TLL2: variants seen among roughly 807,000 people sequenced by gnomAD.
TLL2 encodes tolloid like 2, also known as tolloid-like protein 2.
TLL2 carries 106 observed loss-of-function variants against 123.0 expected under a neutral mutation model. The ratio of observed to expected loss-of-function variants is 0.86; its 90% CI spans 0.74 to 1.01. TLL2 has a LOEUF of 1.01. Ranked by LOEUF, TLL2 falls within the 50% of genes least tolerant of loss-of-function variation. TLL2 has a pLI of 0.00. For missense variants in TLL2, 1,332 were observed against 1,336.7 expected (o/e 1.00, Z 0.06); for synonymous variants, 494 against 516.8 (o/e 0.96, Z 0.60).
intron 20 of TLL2, among the ~76,000 whole-genome samples, chr10:96,369,097 A>G (rs1043791848): frequency 6.6e-6 from 1 of 152,262 alleles, no homozygotes; most frequent in Non-Finnish European, 1.5e-5. Flanking sequence ...AGCCAATAGC[A>G]AAGAAGCTTG....
intron 7 of TLL2, among the ~76,000 whole-genome samples, chr10:96,419,048 T>C (rs1287130623): frequency 1.3e-5 from 2 of 152,000 alleles, no homozygotes; most frequent in African/African-American, 2.4e-5. Context: ...CCCTGCACCA[T>C]TTCCCAAACA....
chr10:96,464,914 T>TA (rs1215468038), intron 2 of TLL2, among the ~76,000 whole-genome samples: 1 of 152,272 alleles, frequency 6.6e-6, no homozygotes, highest in Non-Finnish European at 1.5e-5. Flanking sequence ...TCTTTCTCAC[T>TA]ACCTGATTTG....
At chr10:96,427,965 T>A (rs1249905874) in intron 5 of TLL2, among the ~76,000 whole-genome samples, 2 of 150,578 alleles carry the variant, frequency 1.3e-5, no homozygotes, top group African/African-American at 4.9e-5. Context: ...TGGCTAATTT[T>A]GTATTTTTAG....
At chr10:96,479,636 AT>A (rs1259748053) in intron 2 of TLL2, among the ~76,000 whole-genome samples, 1 of 152,224 alleles carries the variant, frequency 6.6e-6, no homozygotes, top group Non-Finnish European at 1.5e-5. Flanking sequence ...TGATTTCAAG[AT>A]GAGCAAGTCA....
chr10:96,430,522 C>T (rs1365728818), intron 4 of TLL2, among the ~76,000 whole-genome samples: 1 of 152,222 alleles, frequency 6.6e-6, no homozygotes, highest in Non-Finnish European at 1.5e-5. Flanking sequence ...AGGCTCCCAT[C>T]ATTGTCTGCA....
At chr10:96,456,495 C>T (rs1034111058) in intron 2 of TLL2, among the ~76,000 whole-genome samples, 3 of 152,330 alleles carry the variant, frequency 2.0e-5, no homozygotes, top group Middle Eastern at 3.4e-3. Context: ...TCTGCCTCCC[C>T]AGGGTAACTC....
chr10:96,381,295 A>G lies in TLL2; in HGVS notation c.2195-2203T>C, dbSNP rs183917315. Among the ~76,000 whole-genome samples, 409 of 152,308 alleles carry G rather than the reference A, an allele frequency of 2.7e-3. 2 individuals carry two copies. The highest frequency in any genetic ancestry group is 9.4e-3 in the African/African-American group (390 of 41,564). ...GACAAGTTTAGGCTTCCCCTGCTCA[A>G]GAACCTGCAAACAGTCCCCCTTCCT... On this transcript the variant is annotated intron_variant, in intron 16 of 20. Coordinates refer to ENST00000357947, the MANE Select transcript of TLL2 (RefSeq NM_012465.4).
In TLL2 at chr10:96,458,133, G is replaced by A. The variant is rs114689542; in HGVS notation, c.287-11965C>T. ...GGCCAGCAGGACATGGATGCTGCTC[G>A]CCAGGCAGGAAACCATGATGTTCTG... On this transcript the variant is annotated intron_variant, in intron 2 of 20. Coordinates refer to ENST00000357947, the MANE Select transcript of TLL2 (RefSeq NM_012465.4). 6.2e-3 allele frequency among the ~76,000 whole-genome samples: 940 copies of A among 152,168 alleles called. 10 individuals are homozygous for A. Among genetic ancestry groups the A allele is most frequent in the African/African-American group, 0.021 (871 of 41,490 alleles).
chr10:96,497,117 C>T (rs1373855882), intron 1 of TLL2, among the ~76,000 whole-genome samples: 1 of 148,252 alleles, frequency 6.7e-6, no homozygotes, highest in Non-Finnish European at 1.5e-5. Flanking sequence ...CCTGTCTCTG[C>T]TAAAAAAAAA....
chr10:96,366,961 T>A lies in TLL2; in HGVS notation c.*1127A>T, dbSNP rs995822553. On this transcript the variant is annotated 3_prime_UTR_variant, in exon 21 of 21. Transcript: ENST00000357947. ...CTTCTCTAGAACAAGTGCCAAGTGT[T>A]ATGAATTCTGTTTGCAAGTTGGTGA... is the stretch of plus-strand genomic sequence containing the variant. 2 of 152,638 alleles carry A rather than the reference T, an allele frequency of 1.3e-5. No homozygotes were observed. The highest frequency in any genetic ancestry group is 4.8e-5 in the African/African-American group (2 of 41,474). The allele number at this position is 152,638 out of a possible 1,614,324, so 9.5% of individuals were successfully genotyped here.
chr10:96,442,201 A>G (rs1396243435), intron 3 of TLL2, among the ~76,000 whole-genome samples: 3 of 152,106 alleles, frequency 2.0e-5, no homozygotes, highest in African/African-American at 7.2e-5. Flanking sequence ...CCAAAGCTGG[A>G]GGCACAAATC....
At chr10:96,476,216 T>TTA (rs1466849863) in intron 2 of TLL2, among the ~76,000 whole-genome samples, 2 of 33,332 alleles carry the variant, frequency 6.0e-5, no homozygotes, top group African/African-American at 8.7e-5. Flanking sequence ...CTTTTTAATT[T>TTA]TATATGTATA....
chr10:96,374,516 A>ACC, intron 18 of TLL2: 1 of 152,390 alleles, frequency 6.6e-6, no homozygotes, highest in East Asian at 1.9e-4. Context: ...ACTCTCGCCG[A>ACC]GTGTTTATTC....
At chr10:96,394,257 C>T (rs951563464) in intron 13 of TLL2, among the ~76,000 whole-genome samples, 3 of 152,142 alleles carry the variant, frequency 2.0e-5, no homozygotes, top group Non-Finnish European at 2.9e-5. Flanking sequence ...GATTAAGGGG[C>T]CACAGCAGCA....
At chr10:96,492,247 G>A (rs535734891) in intron 1 of TLL2, among the ~76,000 whole-genome samples, 235 of 151,736 alleles carry the variant, frequency 1.5e-3, no homozygotes, top group African/African-American at 5.4e-3. Flanking sequence ...AAGGCCATGA[G>A]GGAGGTAGGA....
rs564526174 is a variant in TLL2 at position 96,389,142 on chromosome 10, G to A, written c.1727-2064C>T. Among the ~76,000 whole-genome samples the A allele has an allele frequency of 3.3e-5, 5 of 152,336 alleles. No individual in the cohort carries two copies. In the East Asian group the frequency reaches 9.6e-4, roughly 29 times the overall value. ...GGAAAGAGTCCAGGCTTTAAAGTGAGTCAGACCTGGGGTGGATCCTCCAGC... is the reference window on the plus strand; with the variant it reads ...GGAAAGAGTCCAGGCTTTAAAGTGAATCAGACCTGGGGTGGATCCTCCAGC... On this transcript the variant is annotated intron_variant, in intron 13 of 20. Coordinates refer to ENST00000357947, the MANE Select transcript of TLL2 (RefSeq NM_012465.4).
intron 1 of TLL2, among the ~76,000 whole-genome samples, chr10:96,488,123 G>A (rs1039211981): frequency 2.0e-5 from 3 of 152,168 alleles, no homozygotes; most frequent in East Asian, 1.9e-4. Flanking sequence ...GAGATAATGC[G>A]GATCCATGCT....
intron 7 of TLL2, among the ~76,000 whole-genome samples, chr10:96,418,428 G>A (rs930569763): frequency 6.6e-6 from 1 of 152,168 alleles, no homozygotes; most frequent in Non-Finnish European, 1.5e-5. Context: ...AGTAGCCATC[G>A]CATTGGTGAG....
intron 1 of TLL2, among the ~76,000 whole-genome samples, chr10:96,497,162 C>T (rs77182070): frequency 0.16 from 23,616 of 151,646 alleles, 2,189 homozygotes; most frequent in East Asian, 0.4. Context: ...TTGTGGTGCA[C>T]GCCTGTAATC....
Sources: gnomAD v4.1 joint callset for allele counts (sites outside exome capture counted in the v4.1 genomes callset) on GRCh38, gnomAD v4.1.1 for gene constraint, MANE v1.5 for transcripts, NCBI Gene and HGNC (gene_info 2026-07-23, HGNC 2026-07-21) for gene names.